The following SHISA6 variants were observed in gnomAD, a reference collection of about 807,000 sequenced individuals.
The protein encoded by SHISA6 is shisa family member 6.
In SHISA6, 22 loss-of-function variants were observed where a neutral mutation model predicts 47.9. The observed-to-expected ratio is 0.46, with a 90% CI of 0.33 to 0.66. The LOEUF is 0.66. Ranked by LOEUF, SHISA6 falls within the 30% of genes least tolerant of loss-of-function variation. The probability of loss-of-function intolerance (pLI) is 0.02; values close to 1 mark genes in which losing one functional copy is unlikely to be tolerated. For synonymous variants in SHISA6, 388 were observed against 337.8 expected, an observed-to-expected ratio of 1.15 and a Z score of -1.63; for missense variants, 680 against 764.6, an observed-to-expected ratio of 0.89 and a Z score of 1.30.
intron 3 of SHISA6, among the ~76,000 whole-genome samples, chr17:11,401,395 C>T (rs541503168): frequency 8.5e-5 from 13 of 152,314 alleles, no homozygotes; most frequent in African/African-American, 2.9e-4. Flanking sequence ...GTCAGGGTTT[C>T]ACCATGTTGC....
intron 1 of SHISA6, among the ~76,000 whole-genome samples, chr17:11,253,466 A>T (rs1430227855): frequency 6.6e-6 from 1 of 152,212 alleles, no homozygotes; most frequent in Non-Finnish European, 1.5e-5. Flanking sequence ...GTTAATTCCA[A>T]ATCATTCTTA....
At chr17:11,273,762 G>A (rs914308882) in intron 2 of SHISA6, among the ~76,000 whole-genome samples, 12 of 152,200 alleles carry the variant, frequency 7.9e-5, no homozygotes, top group African/African-American at 2.7e-4. Context: ...CGATGTCAGG[G>A]TGTGGTCTGA....
chr17:11,353,224 C>T (rs992557616), intron 2 of SHISA6, among the ~76,000 whole-genome samples: 5 of 152,040 alleles, frequency 3.3e-5, no homozygotes, highest in African/African-American at 9.7e-5. Context: ...TTAGGGAGGC[C>T]GAGGCTGGCG....
At chr17:11,265,059 A>G (rs943686651) in intron 2 of SHISA6, among the ~76,000 whole-genome samples, 2 of 152,204 alleles carry the variant, frequency 1.3e-5, no homozygotes, top group Non-Finnish European at 2.9e-5. Context: ...CAAGCAATAG[A>G]AGGAATCTTG....
chr17:11,511,428 T>G (rs1239806741), intron 3 of SHISA6, among the ~76,000 whole-genome samples: 1 of 152,128 alleles, frequency 6.6e-6, no homozygotes, highest in African/African-American at 2.4e-5. Flanking sequence ...ATTCTCCACA[T>G]GTATCCCAGA....
intron 2 of SHISA6, 132 bp downstream of exon 2, chr17:11,263,658 A>G: frequency 8.3e-7 from 1 of 1,207,750 alleles, no homozygotes; most frequent in Non-Finnish European, 1.1e-6. Context: ...CAGGCTGGCA[A>G]AAGATTTTTG....
intron 2 of SHISA6, among the ~76,000 whole-genome samples, chr17:11,361,579 G>A (rs577096648): frequency 9.8e-5 from 15 of 152,302 alleles, no homozygotes; most frequent in African/African-American, 3.4e-4. Context: ...TTGACTTGGA[G>A]GCAAAAGCAG....
rs1458930111 is a variant in SHISA6 at position 11,561,961 on chromosome 17, A to C, written c.*3657A>C. ...AATGGAGCTCTGGGTTTGAGATGTC[A>C]TGGCCTGTGATAGTCAGTTTGGTTC... is the stretch of plus-strand genomic sequence containing the variant. On this transcript the variant is annotated 3_prime_UTR_variant, in exon 6 of 6. Transcript: ENST00000441885. 6.6e-6 allele frequency: 1 copy of C among 152,016 alleles called. No homozygotes were observed. Among genetic ancestry groups the C allele is most frequent in the Non-Finnish European group, 1.5e-5 (1 of 68,082 alleles). The allele number at this position is 152,016 out of a possible 1,614,324, so 9.4% of individuals were successfully genotyped here.
At chr17:11,252,314 A>G (rs1423290083) in intron 1 of SHISA6, among the ~76,000 whole-genome samples, 1 of 152,144 alleles carries the variant, frequency 6.6e-6, no homozygotes, top group Non-Finnish European at 1.5e-5. Context: ...TACTGTTCCC[A>G]TTAGCTTCGG....
intron 3 of SHISA6, among the ~76,000 whole-genome samples, chr17:11,519,720 A>G (rs2071613309): frequency 6.6e-6 from 1 of 151,384 alleles, no homozygotes; most frequent in Non-Finnish European, 1.5e-5. Flanking sequence ...AAACTCCCAT[A>G]TGTTTCTCAG....
intron 2 of SHISA6, among the ~76,000 whole-genome samples, chr17:11,277,272 T>TCACA (rs1567558301): frequency 1.9e-4 from 13 of 68,746 alleles, no homozygotes; most frequent in African/African-American, 6.3e-4. Flanking sequence ...TCTCTCTCTC[T>TCACA]CTCTCTCTCA....
chr17:11,297,901 G>T (rs1341991197), intron 2 of SHISA6, among the ~76,000 whole-genome samples: 1 of 152,144 alleles, frequency 6.6e-6, no homozygotes, highest in Non-Finnish European at 1.5e-5. Context: ...GGAGCTGGAG[G>T]GTTTGTTTAT....
rs1304436384 is a variant in SHISA6, at chr17:11,242,072, G to T, written c.638+12G>T. 2 of 1,549,100 alleles carry T rather than the reference G, an allele frequency of 1.3e-6. No homozygotes were observed. Among genetic ancestry groups the T allele is most frequent in the Non-Finnish European group, 1.7e-6 (2 of 1,146,984 alleles). On this transcript the variant is annotated intron_variant, in intron 1 of 5. Coordinates refer to ENST00000441885, the MANE Select transcript of SHISA6 (RefSeq NM_207386.4). ...ATGAACATCCACAGGTGAGAGCGCCGCGTGCCGCGCGCCCCGGTCTCCCCG... is the reference window on the plus strand; with the variant it reads ...ATGAACATCCACAGGTGAGAGCGCCTCGTGCCGCGCGCCCCGGTCTCCCCG...
In SHISA6 at chr17:11,563,882, TG is replaced by T. The variant is rs2142398860; in HGVS notation, c.*5580del. 2 of 152,326 alleles carry T rather than the reference TG, an allele frequency of 1.3e-5. No homozygotes were observed. The highest frequency in any genetic ancestry group is 3.9e-4 in the East Asian group (2 of 5,176). The allele number at this position is 152,326 out of a possible 1,614,324, so 9.4% of individuals were successfully genotyped here. A position where few individuals can be genotyped will look rare whatever the true frequency, so the allele number is the denominator to read the frequency against. On this transcript the variant is annotated 3_prime_UTR_variant, in exon 6 of 6. Coordinates refer to ENST00000441885, the MANE Select transcript of SHISA6 (RefSeq NM_207386.4). ...CTTCGTTACTCATATGTAAGCCTCA[TG>T]GTAAGCAGTGCTCTAGTAACTGCTT...
At chr17:11,454,531 C>G (rs1205724189) in intron 3 of SHISA6, among the ~76,000 whole-genome samples, 3 of 152,204 alleles carry the variant, frequency 2.0e-5, no homozygotes, top group East Asian at 3.9e-4. Flanking sequence ...TTTCCACTTT[C>G]CTCTTCATTG....
intron 2 of SHISA6, among the ~76,000 whole-genome samples, chr17:11,292,956 C>T (rs1392575464): frequency 6.6e-6 from 1 of 150,850 alleles, no homozygotes; most frequent in Non-Finnish European, 1.5e-5. Flanking sequence ...TCCGGAGTAG[C>T]GGGGATTACA....
intron 1 of SHISA6, among the ~76,000 whole-genome samples, chr17:11,246,958 C>T (rs757712462): frequency 6.6e-6 from 1 of 152,182 alleles, no homozygotes; most frequent in Non-Finnish European, 1.5e-5. Flanking sequence ...TGCCCCTCCC[C>T]AAGCTCAGAA....
chr17:11,350,175 TTTATTTA>T, intron 2 of SHISA6, among the ~76,000 whole-genome samples: 5 of 94,386 alleles, frequency 5.3e-5, no homozygotes, highest in South Asian at 3.4e-4. Flanking sequence ...TATTTATTTA[TTTATTTA>T]TTTTTTTTTT....
At chr17:11,415,990 C>T (rs1337370003) in intron 3 of SHISA6, among the ~76,000 whole-genome samples, 2 of 152,146 alleles carry the variant, frequency 1.3e-5, no homozygotes, top group Non-Finnish European at 2.9e-5. Context: ...AGATAGGCTT[C>T]GTCTCCTTAT....
Sources: allele counts gnomAD v4.1 joint callset (sites outside exome capture counted in the v4.1 genomes callset), GRCh38; gene constraint gnomAD v4.1.1; transcripts MANE v1.5; gene names NCBI Gene and HGNC (gene_info 2026-07-23, HGNC 2026-07-21).